The following RMRP variants were observed in gnomAD, a reference collection of about 807,000 sequenced individuals.
The protein encoded by RMRP is RNase MRP RNA.
exon 1 of RMRP, chr9:35,657,918 TG>T: frequency 1.4e-6 from 1 of 700,238 alleles, no homozygotes; most frequent in Non-Finnish European, 2.6e-6. Flanking sequence ...CGTATGCACG[TG>T]GCACTCTCTG....
chr9:35,657,963 G>A lies in RMRP; in HGVS notation n.55C>T, dbSNP rs999349961. 3.0e-5 allele frequency: 21 copies of A among 700,170 alleles called. No individual in the cohort carries two copies. Among genetic ancestry groups the A allele is most frequent in the East Asian group, 1.3e-4 (5 of 37,142 alleles). The allele number at this position is 700,170 out of a possible 1,614,324, so 43.4% of individuals were successfully genotyped here. ...CCGGGGACTTTCCCCTAGGCGGAAAGGGGAGGAACAGAGTCCTCAGTGTGT... is the reference window on the plus strand; with the variant it reads ...CCGGGGACTTTCCCCTAGGCGGAAAAGGGAGGAACAGAGTCCTCAGTGTGT... On this transcript the variant is annotated non_coding_transcript_exon_variant, in exon 1 of 1. Coordinates refer to ENST00000363046, the Ensembl canonical transcript of RMRP.
At chr9:35,657,862 C>A (rs7021463) in exon 1 of RMRP, 4 of 700,214 alleles carry the variant, frequency 5.7e-6, no homozygotes, top group South Asian at 3.0e-5. Flanking sequence ...CAGCGGGATA[C>A]GCTTCTTGGC....
chr9:35,657,802 C>CT, exon 1 of RMRP: 2 of 700,006 alleles, frequency 2.9e-6, no homozygotes, highest in Non-Finnish European at 5.2e-6. Context: ...ACACGCACTG[C>CT]CTGCGTAACT....
rs758862328 is a variant in RMRP at position 35,657,985 on chromosome 9, G to A, written n.33C>T. 2.1e-5 allele frequency: 15 copies of A among 700,292 alleles called. No individual in the cohort carries two copies. Among genetic ancestry groups the A allele is most frequent in the South Asian group, 1.3e-4 (9 of 67,516 alleles). The allele number at this position is 700,292 out of a possible 1,614,324, so 43.4% of individuals were successfully genotyped here. A position where few individuals can be genotyped will look rare whatever the true frequency, so the allele number is the denominator to read the frequency against. ...AAAGGGGAGGAACAGAGTCCTCAGTGTGTAGCCTAGGATACAGGCCTTCAG... is the reference window on the plus strand; with the variant it reads ...AAAGGGGAGGAACAGAGTCCTCAGTATGTAGCCTAGGATACAGGCCTTCAG... On this transcript the variant is annotated non_coding_transcript_exon_variant, in exon 1 of 1. Coordinates refer to ENST00000363046, the Ensembl canonical transcript of RMRP.
exon 1 of RMRP, chr9:35,657,802 C>CTGGTCT (rs1823603652): frequency 1.4e-6 from 1 of 699,918 alleles, no homozygotes; most frequent in African/African-American, 1.7e-5. Flanking sequence ...ACACGCACTG[C>CTGGTCT]CTGCGTAACT....
rs1243849504 is a variant in RMRP at position 35,657,808 on chromosome 9, T to C, written n.210A>G. On this transcript the variant is annotated non_coding_transcript_exon_variant, in exon 1 of 1. Coordinates refer to ENST00000363046, the Ensembl canonical transcript of RMRP. ...GGTGCGCGGACACGCACTGCCTGCGTAACTAGAGGGAGCTGACGGATGACG... is the reference window on the plus strand; with the variant it reads ...GGTGCGCGGACACGCACTGCCTGCGCAACTAGAGGGAGCTGACGGATGACG... The C allele has an allele frequency of 2.9e-6, 2 of 700,240 alleles. No individual in the cohort carries two copies. Among genetic ancestry groups the C allele is most frequent in the African/African-American group, 1.7e-5 (1 of 57,192 alleles). 43.4% of individuals were successfully genotyped at this position (700,240 alleles called of 1,614,324 possible).
rs560328768 is a variant in RMRP at position 35,657,791 on chromosome 9, G to A, written n.227C>T. 104 of 699,148 alleles carry A rather than the reference G, an allele frequency of 1.5e-4. 1 individual carries two copies. The highest frequency in any genetic ancestry group is 1.1e-3 in the Middle Eastern group (3 of 2,756). The allele number at this position is 699,148 out of a possible 1,614,324, so 43.3% of individuals were successfully genotyped here. On this transcript the variant is annotated non_coding_transcript_exon_variant, in exon 1 of 1. Transcript: ENST00000363046. ...ATGAGCCCCGTGTGGTTGGTGCGCG[G>A]ACACGCACTGCCTGCGTAACTAGAG...
chr9:35,657,810 A>T (rs1219992892), exon 1 of RMRP: 2 of 692,662 alleles, frequency 2.9e-6, no homozygotes, highest in Admixed American at 2.0e-5. Context: ...TGCCTGCGTA[A>T]CTAGAGGGAG....
Position 35,657,809 on chromosome 9 carries a change from A to T in RMRP, n.209T>A, listed in dbSNP as rs1324099168. On this transcript the variant is annotated non_coding_transcript_exon_variant, in exon 1 of 1. Transcript: ENST00000363046. ...GTGCGCGGACACGCACTGCCTGCGT[A>T]ACTAGAGGGAGCTGACGGATGACGC... 2 of 692,468 alleles carry T rather than the reference A, an allele frequency of 2.9e-6. No individual in the cohort carries two copies. Among genetic ancestry groups the T allele is most frequent in the Non-Finnish European group, 5.2e-6 (2 of 384,690 alleles). The allele number at this position is 692,468 out of a possible 1,614,324, so 42.9% of individuals were successfully genotyped here. A position where few individuals can be genotyped will look rare whatever the true frequency, so the allele number is the denominator to read the frequency against.
In RMRP at chr9:35,657,946, T is replaced by TA. The variant is rs1315683844; in HGVS notation, n.71_72insT. On this transcript the variant is annotated non_coding_transcript_exon_variant, in exon 1 of 1. Transcript: ENST00000363046. ...CACTCTCTGCCCGAGGTCCGGGGAC[T>TA]TTCCCCTAGGCGGAAAGGGGAGGAA... The TA allele has an allele frequency of 5.7e-6, 4 of 700,330 alleles. No homozygotes were observed. Among genetic ancestry groups the TA allele is most frequent in the South Asian group, 1.5e-5 (1 of 67,514 alleles). The allele number at this position is 700,330 out of a possible 1,614,324, so 43.4% of individuals were successfully genotyped here.
Position 35,658,004 on chromosome 9 carries a change from C to A in RMRP, n.14G>T, listed in dbSNP as rs902313238. ...CTCAGTGTGTAGCCTAGGATACAGG[C>A]CTTCAGCACGAACCACGTCCTCAGC... On this transcript the variant is annotated non_coding_transcript_exon_variant, in exon 1 of 1. Transcript: ENST00000363046. 1.3e-5 allele frequency: 9 copies of A among 694,174 alleles called. No homozygotes were observed. The highest frequency in any genetic ancestry group is 6.0e-5 in the Admixed American group (3 of 49,780). 43.0% of individuals were successfully genotyped at this position (694,174 alleles called of 1,614,324 possible). A position where few individuals can be genotyped will look rare whatever the true frequency, so the allele number is the denominator to read the frequency against.
exon 1 of RMRP, chr9:35,657,860 T>G: frequency 1.4e-6 from 1 of 694,364 alleles, no homozygotes; most frequent in South Asian, 1.5e-5. Flanking sequence ...CTCAGCGGGA[T>G]ACGCTTCTTG....
rs1038523315 is a variant in RMRP, at chr9:35,657,778, T to C, written n.240A>G. 26 of 696,688 alleles carry C rather than the reference T, an allele frequency of 3.7e-5. 1 individual carries two copies. Among genetic ancestry groups the C allele is most frequent in the Non-Finnish European group, 5.8e-5 (22 of 381,806 alleles). 43.2% of individuals were successfully genotyped at this position (696,688 alleles called of 1,614,324 possible). On this transcript the variant is annotated non_coding_transcript_exon_variant, in exon 1 of 1. Coordinates refer to ENST00000363046, the Ensembl canonical transcript of RMRP. ...AGCCGCGCTGAGAATGAGCCCCGTGTGGTTGGTGCGCGGACACGCACTGCC... is the reference window on the plus strand; with the variant it reads ...AGCCGCGCTGAGAATGAGCCCCGTGCGGTTGGTGCGCGGACACGCACTGCC...
In RMRP at chr9:35,657,778, T is replaced by G. The variant is rs1038523315; in HGVS notation, n.240A>C. 19 of 696,688 alleles carry G rather than the reference T, an allele frequency of 2.7e-5. No homozygotes were observed. Among genetic ancestry groups the G allele is most frequent in the Non-Finnish European group, 4.2e-5 (16 of 381,806 alleles). The allele number at this position is 696,688 out of a possible 1,614,324, so 43.2% of individuals were successfully genotyped here. A position where few individuals can be genotyped will look rare whatever the true frequency, so the allele number is the denominator to read the frequency against. On this transcript the variant is annotated non_coding_transcript_exon_variant, in exon 1 of 1. Transcript: ENST00000363046. ...AGCCGCGCTGAGAATGAGCCCCGTG[T>G]GGTTGGTGCGCGGACACGCACTGCC...
exon 1 of RMRP, chr9:35,657,821 C>A: frequency 1.4e-6 from 1 of 692,894 alleles, no homozygotes. Context: ...CTAGAGGGAG[C>A]TGACGGATGA....
chr9:35,657,823 G>T (rs948931144), exon 1 of RMRP: 2 of 692,778 alleles, frequency 2.9e-6, no homozygotes, highest in East Asian at 5.4e-5. Context: ...AGAGGGAGCT[G>T]ACGGATGACG....
chr9:35,657,972 C>T lies in RMRP; in HGVS notation n.46G>A, dbSNP rs553530605. 1.4e-5 allele frequency: 10 copies of T among 700,456 alleles called. No homozygotes were observed. Among genetic ancestry groups the T allele is most frequent in the African/African-American group, 3.5e-5 (2 of 57,320 alleles). 43.4% of individuals were successfully genotyped at this position (700,456 alleles called of 1,614,324 possible). A position where few individuals can be genotyped will look rare whatever the true frequency, so the allele number is the denominator to read the frequency against. On this transcript the variant is annotated non_coding_transcript_exon_variant, in exon 1 of 1. Transcript: ENST00000363046. The stretch of plus-strand genomic sequence containing the variant: ...TTCCCCTAGGCGGAAAGGGGAGGAA[C>T]AGAGTCCTCAGTGTGTAGCCTAGGA...
chr9:35,657,950 C>CCCTAGGCGGAA, exon 1 of RMRP: 1 of 700,432 alleles, frequency 1.4e-6, no homozygotes, highest in Non-Finnish European at 2.6e-6. Flanking sequence ...GGGGACTTTC[C>CCCTAGGCGGAA]CCTAGGCGGA....
rs748814304 is a variant in RMRP, at chr9:35,658,009, A to G, written n.9T>C. 1.4e-6 allele frequency: 1 copy of G among 692,800 alleles called. No homozygotes were observed. The highest frequency in any genetic ancestry group is 2.7e-5 in the East Asian group (1 of 37,030). The allele number at this position is 692,800 out of a possible 1,614,324, so 42.9% of individuals were successfully genotyped here. ...TGTGTAGCCTAGGATACAGGCCTTC[A>G]GCACGAACCACGTCCTCAGCTTCAC... On this transcript the variant is annotated non_coding_transcript_exon_variant, in exon 1 of 1. Transcript: ENST00000363046.
Sources: allele counts gnomAD v4.1 joint callset, GRCh38; gene constraint gnomAD v4.1.1; transcripts MANE v1.5; gene names NCBI Gene and HGNC (gene_info 2026-07-23, HGNC 2026-07-21).